TLK1: variants seen among roughly 807,000 people sequenced by gnomAD.
TLK1 encodes the protein serine/threonine-protein kinase tousled-like 1.
In TLK1, 24 loss-of-function variants were observed where a neutral mutation model predicts 105.3. That is an observed-to-expected ratio of 0.23 (90% CI 0.17 to 0.32). The LOEUF (loss-of-function observed/expected upper bound fraction) is 0.32, where lower values mean the gene tolerates loss of function less well. TLK1 is among the 10% of genes least tolerant of loss of function. The pLI, the probability that TLK1 is intolerant of heterozygous loss-of-function variation, is 1.00. For missense variants in TLK1, 558 were observed against 910.5 expected, an observed-to-expected ratio of 0.61 and a Z score of 4.98; for synonymous variants, 321 against 310.4, an observed-to-expected ratio of 1.03 and a Z score of -0.36.
chr2:171,096,587 T>C (rs1413990001), intron 2 of TLK1, among the ~76,000 whole-genome samples: 2 of 151,760 alleles, frequency 1.3e-5, no homozygotes, highest in East Asian at 3.9e-4. Context: ...TGAAACTCCA[T>C]CTCTACCAAA....
rs1430786374 is a variant in TLK1 at position 171,160,037 on chromosome 2, T to TGCGCC, written c.139+248_139+252dup. The stretch of plus-strand genomic sequence containing the variant: ...CTCCCAGGAACCCCAGGCGAGTCTA[T>TGCGCC]GCGCCTCGCCCCGTCCCCACCAGCG... On this transcript the variant is annotated intron_variant, in intron 1 of 20. Transcript: ENST00000431350. The surrounding 1 kb of genome is among the most constrained non-coding windows in gnomAD (Gnocchi z 4.4). Among the ~76,000 whole-genome samples the TGCGCC allele has an allele frequency of 6.6e-6, 1 of 152,066 alleles. No homozygotes were observed. The highest frequency in any genetic ancestry group is 2.4e-5 in the African/African-American group (1 of 41,434).
chr2:171,128,879 A>T (rs1690979018), intron 1 of TLK1, among the ~76,000 whole-genome samples: 2 of 152,190 alleles, frequency 1.3e-5, no homozygotes, highest in African/African-American at 2.4e-5. Context: ...TGAGACACTG[A>T]AAGGTTAAGT....
intron 1 of TLK1, among the ~76,000 whole-genome samples, chr2:171,168,151 A>T (rs1356697670): frequency 4.6e-5 from 7 of 152,136 alleles, no homozygotes; most frequent in African/African-American, 1.7e-4. Context: ...TTCGTAAAAA[A>T]TATCAAATAT....
intron 1 of TLK1, among the ~76,000 whole-genome samples, chr2:171,204,347 C>T (rs1693460291): frequency 6.6e-6 from 1 of 152,012 alleles, no homozygotes; most frequent in African/African-American, 2.4e-5. Flanking sequence ...CAGTGCGTGC[C>T]CAGATTTGGT....
At chr2:171,216,854 G>C (rs1489784273) in intron 1 of TLK1, among the ~76,000 whole-genome samples, 1 of 152,148 alleles carries the variant, frequency 6.6e-6, no homozygotes, top group Non-Finnish European at 1.5e-5. Context: ...GCATGCCAAA[G>C]ACAGCCAGCG....
chr2:171,154,581 A>G (rs1692164029), intron 1 of TLK1: 1 of 152,230 alleles, frequency 6.6e-6, no homozygotes. Flanking sequence ...ATGGAACTGA[A>G]GCAGAGATAA....
intron 3 of TLK1, among the ~76,000 whole-genome samples, chr2:171,069,327 A>AG (rs1688147948): frequency 5.9e-5 from 9 of 152,218 alleles, no homozygotes; most frequent in Admixed American, 5.2e-4. Context: ...ATTTACTCTG[A>AG]GCACCGGTTT....
At chr2:171,065,766 T>C (rs959376533) in intron 3 of TLK1, among the ~76,000 whole-genome samples, 1 of 152,228 alleles carries the variant, frequency 6.6e-6, no homozygotes, top group African/African-American at 2.4e-5. Flanking sequence ...CTCGATCTCC[T>C]GACCTAGTGA....
At chr2:171,178,623 C>T (rs1692874673) in intron 1 of TLK1, among the ~76,000 whole-genome samples, 3 of 152,108 alleles carry the variant, frequency 2.0e-5, no homozygotes, top group Admixed American at 6.5e-5. Flanking sequence ...ACATATCAAG[C>T]AAAACATTAG....
upstream of TLK1, among the ~76,000 whole-genome samples, chr2:171,165,823 A>T (rs969355666): frequency 1.6e-4 from 24 of 152,018 alleles, no homozygotes; most frequent in African/African-American, 4.8e-4. Flanking sequence ...AGGCAGGAGA[A>T]TTGCTTGAAC....
chr2:171,128,009 A>C (rs985038498), intron 1 of TLK1, among the ~76,000 whole-genome samples: 3 of 152,158 alleles, frequency 2.0e-5, no homozygotes, highest in African/African-American at 7.2e-5. Flanking sequence ...CAATTATATA[A>C]CCCTGTGGTA....
At chr2:171,021,268 AC>A (rs5836318) in intron 12 of TLK1, among the ~76,000 whole-genome samples, 88,258 of 151,894 alleles carry the variant, frequency 0.58, 27,874 homozygotes, top group East Asian at 0.95. Context: ...AATATCTGGC[AC>A]ACTTGTCTTA....
At chr2:171,128,425 TTAAAG>T (rs1340913001) in intron 1 of TLK1, among the ~76,000 whole-genome samples, 1 of 152,140 alleles carries the variant, frequency 6.6e-6, no homozygotes, top group Admixed American at 6.6e-5. Context: ...TATAGAGTTG[TTAAAG>T]TAAAATAAGT....
At chr2:171,129,310 T>A (rs1044010965) in intron 1 of TLK1, among the ~76,000 whole-genome samples, 8 of 152,218 alleles carry the variant, frequency 5.3e-5, no homozygotes, top group African/African-American at 1.7e-4. Context: ...CCAATTGTTA[T>A]GAACCTTAAA....
intron 2 of TLK1, among the ~76,000 whole-genome samples, chr2:171,097,276 T>G (rs781719671): frequency 6.6e-6 from 1 of 152,046 alleles, no homozygotes; most frequent in African/African-American, 2.4e-5. Flanking sequence ...GTAATCCACA[T>G]CCAGAAGTTG....
intron 1 of TLK1, among the ~76,000 whole-genome samples, chr2:171,143,410 G>T (rs566306238): frequency 2.6e-5 from 4 of 151,082 alleles, no homozygotes; most frequent in Admixed American, 2.6e-4. Flanking sequence ...GGAGGCTGAG[G>T]CATGAGAATT....
chr2:171,162,630 T>C (rs1157511747), upstream of TLK1, among the ~76,000 whole-genome samples: 4 of 152,236 alleles, frequency 2.6e-5, no homozygotes, highest in Non-Finnish European at 5.9e-5. Context: ...AGATGGTGAA[T>C]GTATCTATCA....
At chr2:171,071,988 T>A (rs1688281284) in intron 3 of TLK1, among the ~76,000 whole-genome samples, 1 of 152,224 alleles carries the variant, frequency 6.6e-6, no homozygotes, top group Admixed American at 6.5e-5. Context: ...CAATGCTGTT[T>A]TGATTACTAT....
At chr2:171,002,166 T>G (rs1684411407) in intron 18 of TLK1, among the ~76,000 whole-genome samples, 1 of 152,230 alleles carries the variant, frequency 6.6e-6, no homozygotes, top group African/African-American at 2.4e-5. Flanking sequence ...CAACCCTTTT[T>G]CTAAAATTAT....
Sources: allele counts gnomAD v4.1 joint callset (sites outside exome capture counted in the v4.1 genomes callset), GRCh38; gene constraint gnomAD v4.1.1; non-coding constraint Gnocchi (gnomAD v3.1); transcripts MANE v1.5; gene names NCBI Gene and HGNC (gene_info 2026-07-23, HGNC 2026-07-21).